The following ZMYND11 variants were observed in gnomAD, a reference collection of about 807,000 sequenced individuals.
ZMYND11 encodes zinc finger MYND domain-containing protein 11.
A neutral mutation model predicts 84.9 loss-of-function variants in ZMYND11; 9 were observed. That is an observed-to-expected ratio of 0.11 (90% confidence interval 0.06 to 0.18). The LOEUF (loss-of-function observed/expected upper bound fraction) is 0.18. Among genes scored for constraint, ZMYND11 ranks in the 10% least tolerant of loss-of-function variants. The pLI is 1.00. For missense variants in ZMYND11, 409 were observed against 761.0 expected, an observed-to-expected ratio of 0.54 and a Z score of 5.44; for synonymous variants, 250 against 244.1, an observed-to-expected ratio of 1.02 and a Z score of -0.23.
intron 14 of ZMYND11, chr10:249,694 G>A (rs1356138421): frequency 8.1e-6 from 8 of 985,230 alleles, no homozygotes; most frequent in African/African-American, 3.5e-5. Context: ...TCCTACAGCC[G>A]CCACAGTGCT....
At chr10:244,893 G>GATAA (rs1182570371) in intron 10 of ZMYND11, among the ~76,000 whole-genome samples, 1 of 152,182 alleles carries the variant, frequency 6.6e-6, no homozygotes, top group Non-Finnish European at 1.5e-5. Context: ...CTTTATTTAA[G>GATAA]ATAAATAAGG....
intron 1 of ZMYND11, among the ~76,000 whole-genome samples, chr10:152,568 C>A (rs1374946153): frequency 6.6e-6 from 1 of 152,122 alleles, no homozygotes; most frequent in Non-Finnish European, 1.5e-5. Context: ...AAAGCAAGTC[C>A]TTAGAGACCT....
At chr10:225,358 A>ATGTG (rs963536661) in intron 4 of ZMYND11, among the ~76,000 whole-genome samples, 4 of 18,592 alleles carry the variant, frequency 2.2e-4, no homozygotes, top group Non-Finnish European at 1.3e-3. Context: ...TTTGTTTTTT[A>ATGTG]TGTGTGTTTT....
chr10:231,694 A>C (rs1949037207), intron 4 of ZMYND11, among the ~76,000 whole-genome samples: 1 of 152,216 alleles, frequency 6.6e-6, no homozygotes, highest in Non-Finnish European at 1.5e-5. Flanking sequence ...TTCTACCTAG[A>C]GTCATCCGAT....
At chr10:138,011 A>C (rs1259458188) in intron 1 of ZMYND11, among the ~76,000 whole-genome samples, 1 of 152,200 alleles carries the variant, frequency 6.6e-6, no homozygotes, top group Admixed American at 6.5e-5. Flanking sequence ...GAGGTGTTTA[A>C]ATAAATGTAC....
intron 1 of ZMYND11, among the ~76,000 whole-genome samples, chr10:137,809 A>G (rs1039817928): frequency 4.6e-5 from 7 of 152,224 alleles, no homozygotes; most frequent in African/African-American, 1.7e-4. Context: ...ACCAGGCTAG[A>G]GAATCAGAGA....
chr10:250,765 C>T (rs566709863), intron 14 of ZMYND11, among the ~76,000 whole-genome samples: 3 of 152,214 alleles, frequency 2.0e-5, no homozygotes, highest in South Asian at 4.1e-4. Flanking sequence ...CGGCCAGGCT[C>T]GGTGCTCACA....
chr10:237,634 G>C lies in ZMYND11; in HGVS notation c.566G>C (p.Arg189Thr). ...KGKDNKHPMY[R>T]RLVHSAVDVP... ...AAGGACAATAAACACCCGATGTACA[G>C]GAGGCTGGTGCACTCAGCTGTGGAC... The change falls in exon 6 of 15, where the codon AGG becomes ACG. Residue 189 changes from arginine (R) to threonine (T), a missense_variant. Arg to Thr is a moderately conservative substitution (Grantham distance 71). This residue lies in a region of ZMYND11 where 53 missense variants were observed against 71.1 expected (regional missense o/e 0.75). Transcript: ENST00000381604. The C allele has an allele frequency of 6.2e-7, 1 of 1,613,678 alleles. No individual in the cohort carries two copies. Among genetic ancestry groups the C allele is most frequent in the Non-Finnish European group, 8.5e-7 (1 of 1,179,848 alleles).
In ZMYND11 at chr10:248,409, T is replaced by C; in HGVS notation, c.1301T>C (p.Val434Ala). The C allele has an allele frequency of 6.2e-7, 1 of 1,614,106 alleles. No homozygotes were observed. The highest frequency in any genetic ancestry group is 8.5e-7 in the Non-Finnish European group (1 of 1,180,028). Residue 434 changes from valine to alanine, a missense_variant, in exon 13 of 15, where the codon GTC becomes GCC. Transcript: ENST00000381604. ...IPTMPQPIEKVSVSTQTKKLS... is the reference protein window; with the variant it reads ...IPTMPQPIEKASVSTQTKKLS... ...ACGATGCCTCAGCCCATCGAAAAAG[T>C]CTCCGTGTCAACTCAGACAAAGAAG...
chr10:218,455 G>A (rs1397744548), intron 3 of ZMYND11: 3 of 377,126 alleles, frequency 8.0e-6, no homozygotes, highest in Non-Finnish European at 1.6e-5. Context: ...ATTTTGAAAG[G>A]CCTATAGTAT....
In ZMYND11 at chr10:240,102, A is replaced by G; in HGVS notation, c.744A>G (p.Thr248=). ...TTGCGAGGATGCTATATAAAGACAC[A>G]TGTCATGAGGTACTATTCATTGCCC... ...ADIARMLYKD[T]CHELDELQLC... is the part of the protein sequence containing the mutation. Residue 248 remains threonine, a synonymous_variant, in exon 8 of 15, where the codon ACA becomes ACG. Transcript: ENST00000381604. 1 of 1,610,750 alleles carries G rather than the reference A, an allele frequency of 6.2e-7. No individual in the cohort carries two copies. Among genetic ancestry groups the G allele is most frequent in the Non-Finnish European group, 8.5e-7 (1 of 1,178,252 alleles).
intron 1 of ZMYND11, among the ~76,000 whole-genome samples, chr10:172,401 C>G (rs915264922): frequency 6.6e-6 from 1 of 152,084 alleles, no homozygotes; most frequent in African/African-American, 2.4e-5. Context: ...TGGTTGTAGC[C>G]AAGTTGCAGG....
At chr10:186,967 C>T (rs1938746801) in intron 2 of ZMYND11, among the ~76,000 whole-genome samples, 1 of 152,042 alleles carries the variant, frequency 6.6e-6, no homozygotes, top group South Asian at 2.1e-4. Context: ...TTGGCTCCTG[C>T]CTGAAATGCC....
intron 1 of ZMYND11, among the ~76,000 whole-genome samples, chr10:139,682 CAACTTA>C (rs1837013231): frequency 6.7e-6 from 1 of 148,934 alleles, no homozygotes; most frequent in Non-Finnish European, 1.5e-5. Flanking sequence ...GTACACTGTC[CAACTTA>C]AACTTACACA....
intron 4 of ZMYND11, among the ~76,000 whole-genome samples, chr10:226,400 T>C (rs1364468846): frequency 1.3e-5 from 2 of 149,884 alleles, no homozygotes; most frequent in African/African-American, 4.9e-5. Flanking sequence ...CCCAAAATAA[T>C]TGGCACTTTT....
chr10:220,944 ATACT>A (rs957609290), intron 3 of ZMYND11, among the ~76,000 whole-genome samples: 24 of 152,334 alleles, frequency 1.6e-4, no homozygotes, highest in African/African-American at 5.8e-4. Context: ...GGCTTTGGAC[ATACT>A]TCATTTTGGA....
chr10:171,388 G>A (rs184715212), intron 1 of ZMYND11, among the ~76,000 whole-genome samples: 1 of 149,796 alleles, frequency 6.7e-6, no homozygotes, highest in Non-Finnish European at 1.5e-5. Context: ...AGGTCACACA[G>A]AACATTCACC....
At chr10:176,276 A>T (rs1025920383) in intron 1 of ZMYND11, among the ~76,000 whole-genome samples, 8 of 146,330 alleles carry the variant, frequency 5.5e-5, no homozygotes, top group African/African-American at 1.0e-4. Context: ...GCTACTTTTT[A>T]TTTTTTTTTT....
chr10:150,603 TG>T (rs1380461039), intron 1 of ZMYND11, among the ~76,000 whole-genome samples: 4 of 152,192 alleles, frequency 2.6e-5, no homozygotes, highest in Admixed American at 6.5e-5. Context: ...TCGAACTGGG[TG>T]GAGCCCACTG....
Sources: allele counts gnomAD v4.1 joint callset (sites outside exome capture counted in the v4.1 genomes callset), GRCh38; gene constraint gnomAD v4.1.1; regional missense constraint gnomAD v4.1.1; transcripts MANE v1.5; gene names NCBI Gene and HGNC (gene_info 2026-07-23, HGNC 2026-07-21).